TTLL3: variants seen among roughly 807,000 people sequenced by gnomAD.
The protein encoded by TTLL3 is tubulin monoglycylase TTLL3.
A neutral mutation model predicts 75.2 loss-of-function variants in TTLL3; 63 were observed. The observed-to-expected ratio is 0.84, with a 90% CI of 0.68 to 1.03. The LOEUF (loss-of-function observed/expected upper bound fraction) is 1.03, where lower values mean the gene tolerates loss of function less well. TTLL3 is among the 50% of genes least tolerant of loss of function. TTLL3 has a pLI of 0.00. For synonymous variants in TTLL3, 393 were observed against 418.5 expected (o/e 0.94, Z 0.74); for missense variants, 997 against 1,069.9 (o/e 0.93, Z 0.95).
intron 8 of TTLL3, among the ~76,000 whole-genome samples, chr3:9,823,542 T>C (rs2080723413): frequency 1.3e-5 from 2 of 152,070 alleles, no homozygotes; most frequent in Admixed American, 1.3e-4. Flanking sequence ...TCGAATATAC[T>C]TTTTCAAATT....
intron 8 of TTLL3, among the ~76,000 whole-genome samples, chr3:9,822,421 C>G (rs554080125): frequency 6.6e-6 from 1 of 151,928 alleles, no homozygotes; most frequent in Admixed American, 6.6e-5. Flanking sequence ...GCTATAAGAA[C>G]CTCTCTAAAG....
chr3:9,835,380 C>T lies in TTLL3; in HGVS notation c.2339C>T (p.Pro780Leu). The change falls in exon 14 of 14, where the codon CCA (proline) becomes CTA (leucine). Residue 780 changes from proline (P) to leucine (L), a missense_variant. Coordinates refer to ENST00000685419, the MANE Select transcript of TTLL3 (RefSeq NM_001387446.1). ...FPTALVLDPT[P>L]NKKKQVKYLG... ...ACTGCCCTTGTCCTGGATCCAACAC[C>T]AAATAAAAAGAAACAAGTGAAGTAT... The T allele has an allele frequency of 1.2e-6, 2 of 1,614,022 alleles. No homozygotes were observed. The highest frequency in any genetic ancestry group is 1.7e-6 in the Non-Finnish European group (2 of 1,180,034).
intron 12 of TTLL3, chr3:9,834,235 C>A (rs570909583): frequency 7.8e-5 from 29 of 372,354 alleles, no homozygotes; most frequent in African/African-American, 5.5e-4. Context: ...GGACTTAAGC[C>A]CAGGTTGCTC....
At chr3:9,832,219 G>T (rs1204549228) in intron 11 of TTLL3, among the ~76,000 whole-genome samples, 1 of 151,178 alleles carries the variant, frequency 6.6e-6, no homozygotes, top group Admixed American at 6.6e-5. Flanking sequence ...CCGAGTAGCT[G>T]GGATTACAGG....
intron 6 of TTLL3, chr3:9,818,001 T>G: frequency 2.1e-6 from 1 of 473,694 alleles, no homozygotes; most frequent in Non-Finnish European, 3.7e-6. Context: ...CTAGAGCAGG[T>G]TCTAAAAGTT....
intron 10 of TTLL3, chr3:9,827,457 C>A: frequency 2.6e-6 from 2 of 780,606 alleles, no homozygotes; most frequent in Non-Finnish European, 3.9e-6. Context: ...GGCTGGAGTG[C>A]AGTGGCATGG....
At chr3:9,826,748 A>AG (rs2081084232) in intron 9 of TTLL3, among the ~76,000 whole-genome samples, 1 of 139,142 alleles carries the variant, frequency 7.2e-6, no homozygotes. Context: ...AAAAAAAAAA[A>AG]GTCCAGCACT....
rs1179169179 is a variant in TTLL3, at chr3:9,817,771, C to T, written c.559+12C>T. 6.2e-6 allele frequency: 10 copies of T among 1,614,082 alleles called. No individual in the cohort carries two copies. The highest frequency in any genetic ancestry group is 1.7e-5 in the Admixed American group (1 of 60,014). The stretch of plus-strand genomic sequence containing the variant: ...AAAAGCCTTCATAGGTAAGGAGACC[C>T]CCAGCCCTATGCCTGAACCTCAGGC... On this transcript the variant is annotated intron_variant, in intron 6 of 13. Coordinates refer to ENST00000685419, the MANE Select transcript of TTLL3 (RefSeq NM_001387446.1).
intron 11 of TTLL3, among the ~76,000 whole-genome samples, chr3:9,831,963 G>C (rs893006877): frequency 6.7e-6 from 1 of 149,948 alleles, no homozygotes; most frequent in East Asian, 2.0e-4. Flanking sequence ...GCTAATTTTT[G>C]TGTTTTTAGT....
intron 6 of TTLL3, chr3:9,818,390 A>T (rs546298639): frequency 4.1e-4 from 65 of 157,006 alleles, no homozygotes; most frequent in Admixed American, 2.7e-3. Flanking sequence ...TTTTTTTGAG[A>T]CGGAGTCTCG....
rs2079698781 is a variant in TTLL3, at chr3:9,815,007, G to A, written c.316-1067G>A. Among the ~76,000 whole-genome samples the A allele has an allele frequency of 3.9e-5, 6 of 152,136 alleles. 1 individual carries two copies. In the South Asian group the frequency reaches 1.2e-3, roughly 32 times the overall value. ...AATCGCAGCACTTTGGGAGGCCAAG[G>A]CGGGTGGATTATTTGAGGTCAGGAG... On this transcript the variant is annotated intron_variant, in intron 4 of 13. Transcript: ENST00000685419.
At chr3:9,809,959 G>GGGGCGCGGGATCAGGGGCCCGGGGAGGGC (rs2079185838), upstream of TTLL3, 7 of 1,173,340 alleles carry the variant, frequency 6.0e-6, no homozygotes, top group East Asian at 6.5e-5. Context: ...GCGACGCGGA[G>GGGGCGCGGGATCAGGGGCCCGGGGAGGGC]GGGCGCGGGA....
At position 9,810,723 on chromosome 3, in the gene TTLL3, C is replaced by T. The variant is rs750042073; in HGVS notation, c.48+14C>T. 1.3e-6 allele frequency: 2 copies of T among 1,578,452 alleles called. No homozygotes were observed. The highest frequency in any genetic ancestry group is 2.3e-5 in the South Asian group (2 of 86,000). ...AGAGCTGTCAAGGTCAGAGGAGGGGCAGGGGCGCTTAGAAAGGGCCCTGGG... is the reference window on the plus strand; with the variant it reads ...AGAGCTGTCAAGGTCAGAGGAGGGGTAGGGGCGCTTAGAAAGGGCCCTGGG... On this transcript the variant is annotated intron_variant, in intron 2 of 13. Transcript: ENST00000685419. This position sits in a 1 kb window ranked among gnomAD's most constrained non-coding sequence, Gnocchi z 4.4.
At chr3:9,825,999 C>A (rs1386525281) in intron 9 of TTLL3, 51 bp downstream of exon 9, 2 of 1,591,862 alleles carry the variant, frequency 1.3e-6, no homozygotes, top group African/African-American at 1.3e-5. Flanking sequence ...CCTGCATCTA[C>A]CAGTAGAGGC....
intron 11 of TTLL3, among the ~76,000 whole-genome samples, chr3:9,831,053 G>A (rs941569992): frequency 3.3e-5 from 5 of 152,028 alleles, no homozygotes; most frequent in Non-Finnish European, 5.9e-5. Context: ...TGCCCGCCTC[G>A]GCCTCCCAAA....
Position 9,820,654 on chromosome 3 carries a change from T to C in TTLL3, c.767T>C (p.Met256Thr). The C allele has an allele frequency of 3.1e-6, 5 of 1,614,130 alleles. No individual in the cohort carries two copies. Among genetic ancestry groups the C allele is most frequent in the Non-Finnish European group, 4.2e-6 (5 of 1,179,996 alleles). The change falls in exon 8 of 14, where the codon ATG (methionine) becomes ACG (threonine). Residue 256 changes from methionine (M) to threonine (T), a missense_variant. Coordinates refer to ENST00000685419, the MANE Select transcript of TTLL3 (RefSeq NM_001387446.1). ...CEEYLSNLAH[M>T]DIDKDLEAPL... is the part of the protein sequence containing the mutation. ...GAGTACCTTAGCAACTTGGCCCACA[T>C]GGACATCGACAAGGACCTGGAGGCC...
At chr3:9,823,819 G>A (rs369969204) in intron 8 of TTLL3, among the ~76,000 whole-genome samples, 1 of 152,230 alleles carries the variant, frequency 6.6e-6, no homozygotes, top group Admixed American at 6.5e-5. Context: ...GGAGGCTCCC[G>A]TCCTATTCAG....
chr3:9,810,202 G>A, upstream of TTLL3: 2 of 1,484,232 alleles, frequency 1.3e-6, no homozygotes, highest in Non-Finnish European at 1.8e-6. This position sits in a 1 kb window ranked among gnomAD's most constrained non-coding sequence, Gnocchi z 4.4. Context: ...GCTGCCATGG[G>A]CCGGCCCTGC....
At chr3:9,832,479 G>T (rs1285314778) in intron 11 of TTLL3, among the ~76,000 whole-genome samples, 2 of 152,150 alleles carry the variant, frequency 1.3e-5, no homozygotes, top group African/African-American at 4.8e-5. Flanking sequence ...ACCTCCAACT[G>T]GCTCCAGGTT....
Sources: gnomAD v4.1 joint callset for allele counts (sites outside exome capture counted in the v4.1 genomes callset) on GRCh38, gnomAD v4.1.1 for gene constraint, Gnocchi (gnomAD v3.1) non-coding constraint, MANE v1.5 for transcripts, NCBI Gene and HGNC (gene_info 2026-07-23, HGNC 2026-07-21) for gene names.